Variants in METTL14 observed in about 807,000 individuals in gnomAD.
The protein encoded by METTL14 is N(6)-adenosine-methyltransferase non-catalytic subunit METTL14.
METTL14 carries 32 observed loss-of-function variants against 62.4 expected under a neutral mutation model. The ratio of observed to expected loss-of-function variants is 0.51; its 90% CI spans 0.39 to 0.69. The LOEUF is 0.69. METTL14 is among the 30% of genes least tolerant of loss of function. The pLI is 0.00. For synonymous variants in METTL14, 150 were observed against 180.0 expected (o/e 0.83, Z 1.34); for missense variants, 340 against 551.9 (o/e 0.62, Z 3.85).
chr4:118,697,469 C>T, intron 7 of METTL14, 146 bp downstream of exon 7: 1 of 690,082 alleles, frequency 1.4e-6, no homozygotes, highest in Non-Finnish European at 2.2e-6. Context: ...AGCTGAAGGT[C>T]CAAGGTACAT....
At chr4:118,699,351 AGTGTTATCT>A (rs1724518693) in intron 7 of METTL14, among the ~76,000 whole-genome samples, 1 of 152,100 alleles carries the variant, frequency 6.6e-6, no homozygotes, top group Admixed American at 6.6e-5. Flanking sequence ...CCCTGTTTAA[AGTGTTATCT>A]GTGTTTATTG....
chr4:118,694,037 T>G (rs1189138278), intron 5 of METTL14, among the ~76,000 whole-genome samples: 2 of 150,704 alleles, frequency 1.3e-5, no homozygotes, highest in African/African-American at 4.9e-5. Flanking sequence ...TAAGTAAAAA[T>G]CTTAACAATC....
At chr4:118,704,855 A>T (rs1724707292) in intron 9 of METTL14, among the ~76,000 whole-genome samples, 1 of 152,156 alleles carries the variant, frequency 6.6e-6, no homozygotes, top group Non-Finnish European at 1.5e-5. Flanking sequence ...GGAACCTCTG[A>T]TTTATAGCTG....
intron 5 of METTL14, 100 bp from the exon 6 acceptor site, chr4:118,694,336 T>C (rs937593606): frequency 1.1e-5 from 8 of 715,426 alleles, no homozygotes; most frequent in Admixed American, 5.7e-5. Flanking sequence ...TCAAGTGGCA[T>C]GTGTATTATT....
intron 7 of METTL14, among the ~76,000 whole-genome samples, chr4:118,698,176 C>T (rs1443043056): frequency 2.0e-5 from 3 of 151,940 alleles, no homozygotes; most frequent in Non-Finnish European, 4.4e-5. Flanking sequence ...GAAAAATGGC[C>T]AGGTGTGGTG....
At chr4:118,709,613 C>G (rs888960188) in intron 10 of METTL14, among the ~76,000 whole-genome samples, 2 of 152,040 alleles carry the variant, frequency 1.3e-5, no homozygotes, top group African/African-American at 2.4e-5. Context: ...AAGTGTAGAG[C>G]AAAAGTTGGT....
At position 118,694,542 on chromosome 4, in the gene METTL14, C is replaced by T. The variant is rs1455996257; in HGVS notation, c.503+16C>T. ...CTCCTCCCATGTAAGTGTTTTTATT[C>T]AATTACTGTTTATTCCCAACTCAGG... On this transcript the variant is annotated intron_variant, in intron 6 of 10. Coordinates refer to ENST00000388822, the MANE Select transcript of METTL14 (RefSeq NM_020961.4). The T allele has an allele frequency of 1.9e-6, 3 of 1,572,186 alleles. No homozygotes were observed. Among genetic ancestry groups the T allele is most frequent in the Non-Finnish European group, 2.6e-6 (3 of 1,143,148 alleles).
At chr4:118,696,204 C>CT (rs1184671796) in intron 6 of METTL14, among the ~76,000 whole-genome samples, 1 of 148,036 alleles carries the variant, frequency 6.8e-6, no homozygotes, top group Admixed American at 6.8e-5. Flanking sequence ...GAGAGGAAGT[C>CT]TAAGTATACT....
intron 1 of METTL14, chr4:118,686,451 A>G (rs1291360070): frequency 2.1e-5 from 8 of 386,570 alleles, no homozygotes; most frequent in African/African-American, 4.2e-5. Context: ...CAATGCTCAT[A>G]GAGTGTAATT....
At position 118,689,357 on chromosome 4, in the gene METTL14, G is replaced by T; in HGVS notation, c.156-13G>T. 6.7e-7 allele frequency: 1 copy of T among 1,499,610 alleles called. No homozygotes were observed. 92.9% of individuals were successfully genotyped at this position (1,499,610 alleles called of 1,614,324 possible). A position where few individuals can be genotyped will look rare whatever the true frequency, so the allele number is the denominator to read the frequency against. ...GTATATATTTATGGGTAATATTTCT[G>T]TTTATTTTTCAGGGCTTCCTATGAT... On this transcript the variant is annotated splice_polypyrimidine_tract_variant and intron_variant, in intron 2 of 10. Transcript: ENST00000388822.
chr4:118,694,527 G>GT lies in METTL14; in HGVS notation c.503+2dup. On this transcript the variant is annotated splice_donor_variant, in intron 6 of 10. Transcript: ENST00000388822. LOFTEE classifies it high-confidence loss of function. ...TAGCTAAATCTAACACTCCTCCCAT[G>GT]TAAGTGTTTTTATTCAATTACTGTT... 1 of 1,604,498 alleles carries GT rather than the reference G, an allele frequency of 6.2e-7. No individual in the cohort carries two copies. Among genetic ancestry groups the GT allele is most frequent in the Non-Finnish European group, 8.5e-7 (1 of 1,172,132 alleles).
intron 8 of METTL14, among the ~76,000 whole-genome samples, 194 bp downstream of exon 8, chr4:118,700,836 A>G (rs567855881): frequency 1.3e-5 from 2 of 152,348 alleles, no homozygotes; most frequent in Non-Finnish European, 2.9e-5. Flanking sequence ...TACCAGCACT[A>G]GGGAGGAATG....
chr4:118,687,840 T>G, intron 1 of METTL14, 83 bp from the exon 2 acceptor site: 1 of 1,034,058 alleles, frequency 9.7e-7, no homozygotes. Flanking sequence ...TTTTAAGTAT[T>G]TAATGTATTA....
chr4:118,688,027 C>CT lies in METTL14; in HGVS notation c.155+33dup, dbSNP rs746420947. On this transcript the variant is annotated intron_variant, in intron 2 of 10. Transcript: ENST00000388822. ...AAACTTGCAGGTCAGTCAGATAATT[C>CT]TTTTTTTTTTTTTTTTTGAGACAGG... The CT allele has an allele frequency of 0.16, 209,276 of 1,276,200 alleles. 3,468 individuals are homozygous for CT. Among genetic ancestry groups the CT allele is most frequent in the African/African-American group, 0.24 (14,729 of 61,228 alleles). 79.1% of individuals were successfully genotyped at this position (1,276,200 alleles called of 1,614,324 possible).
chr4:118,685,404 A>T lies in METTL14; in HGVS notation c.-131A>T. ...CCGGCCGCGCCGGAAGTCTCTACTG[A>T]GGAAAGCTATGAGGATACTCTGTTC... is the stretch of plus-strand genomic sequence containing the variant. On this transcript the variant is annotated 5_prime_UTR_variant, in exon 1 of 11. Coordinates refer to ENST00000388822, the MANE Select transcript of METTL14 (RefSeq NM_020961.4). The T allele has an allele frequency of 2.2e-6, 2 of 914,278 alleles. No homozygotes were observed. The highest frequency in any genetic ancestry group is 3.5e-6 in the Non-Finnish European group (2 of 567,656). 56.6% of individuals were successfully genotyped at this position (914,278 alleles called of 1,614,324 possible).
At position 118,710,465 on chromosome 4, in the gene METTL14, C is replaced by A; in HGVS notation, c.*163C>A. 2 of 677,428 alleles carry A rather than the reference C, an allele frequency of 3.0e-6. No homozygotes were observed. Among genetic ancestry groups the A allele is most frequent in the Non-Finnish European group, 2.4e-6 (1 of 410,948 alleles). The allele number at this position is 677,428 out of a possible 1,614,324, so 42.0% of individuals were successfully genotyped here. A position where few individuals can be genotyped will look rare whatever the true frequency, so the allele number is the denominator to read the frequency against. ...GCGAGCCTTGCTTGCAGTTGTCACA[C>A]ACACTGTCTGGTTTTTTTCAGGATA... is the stretch of plus-strand genomic sequence containing the variant. On this transcript the variant is annotated 3_prime_UTR_variant, in exon 11 of 11. Coordinates refer to ENST00000388822, the MANE Select transcript of METTL14 (RefSeq NM_020961.4).
Position 118,701,277 on chromosome 4 carries a change from G to A in METTL14, c.738+635G>A, listed in dbSNP as rs139750408. Among the ~76,000 whole-genome samples the A allele has an allele frequency of 2.0e-3, 300 of 147,622 alleles. 1 individual carries two copies. Among genetic ancestry groups the A allele is most frequent in the African/African-American group, 7.0e-3 (281 of 40,020 alleles). ...TGGCTTACTGTAGCCTCGACCTCCT[G>A]GACTCAACTCAAGCAGTTTTCCCAC... On this transcript the variant is annotated intron_variant, in intron 8 of 10. Coordinates refer to ENST00000388822, the MANE Select transcript of METTL14 (RefSeq NM_020961.4).
At chr4:118,698,105 G>C (rs1414524783) in intron 7 of METTL14, among the ~76,000 whole-genome samples, 1 of 152,084 alleles carries the variant, frequency 6.6e-6, no homozygotes, top group African/African-American at 2.4e-5. Context: ...GTTTTAACCA[G>C]TTTAGTAAAA....
chr4:118,694,998 ATTTTTGTATTTTTAGTAG>A (rs139836672), intron 6 of METTL14, among the ~76,000 whole-genome samples: 7,308 of 151,872 alleles, frequency 0.048, 281 homozygotes, highest in Non-Finnish European at 0.066. Flanking sequence ...TGCCTGGCTA[ATTTTTGTATTTTTAGTAG>A]AGACGGGGTT....
Sources: allele counts gnomAD v4.1 joint callset (sites outside exome capture counted in the v4.1 genomes callset), GRCh38; gene constraint gnomAD v4.1.1; transcripts MANE v1.5; gene names NCBI Gene and HGNC (gene_info 2026-07-23, HGNC 2026-07-21).